Variants in KANK1 observed in about 807,000 individuals in gnomAD.
KANK1 encodes the protein KN motif and ankyrin repeat domain-containing protein 1.
Under a neutral mutation model 106.2 loss-of-function variants are expected in KANK1, and 109 were observed. The ratio of observed to expected loss-of-function variants is 1.03; its 90% CI spans 0.88 to 1.20. The LOEUF is 1.20. Ranked by LOEUF, KANK1 falls within the 50% of genes most tolerant of loss-of-function variation. KANK1 has a pLI of 0.00. For synonymous variants in KANK1, 873 were observed against 652.2 expected (o/e 1.34, Z -5.16); for missense variants, 2,399 against 1,710.7 (o/e 1.40, Z -7.10).
At chr9:683,095 C>T (rs1297784674) in intron 2 of KANK1, among the ~76,000 whole-genome samples, 2 of 152,166 alleles carry the variant, frequency 1.3e-5, no homozygotes, top group Non-Finnish European at 2.9e-5. Context: ...ACACACAGCA[C>T]AGCAGAGGCA....
At chr9:638,326 G>A (rs1445895772) in intron 1 of KANK1, among the ~76,000 whole-genome samples, 1 of 152,202 alleles carries the variant, frequency 6.6e-6, no homozygotes, top group Non-Finnish European at 1.5e-5. Flanking sequence ...AGTAAAGCCT[G>A]CTGAGCTGGA....
At chr9:625,964 T>C (rs1023289439) in intron 1 of KANK1, among the ~76,000 whole-genome samples, 1 of 152,102 alleles carries the variant, frequency 6.6e-6, no homozygotes, top group Admixed American at 6.6e-5. Flanking sequence ...GAAACTCCCC[T>C]GCACTCCATT....
chr9:477,023 T>C (rs1028223969), intron 3 of KANK1, among the ~76,000 whole-genome samples: 9 of 152,190 alleles, frequency 5.9e-5, no homozygotes, highest in African/African-American at 1.4e-4. Flanking sequence ...TACAAGTTTA[T>C]GGTAAAGTTT....
At position 740,752 on chromosome 9, in the gene KANK1, G is replaced by C. The variant is rs774620766; in HGVS notation, c.3554-40G>C. 1.0e-5 allele frequency: 16 copies of C among 1,592,808 alleles called. No individual in the cohort carries two copies. In the African/African-American group the frequency reaches 2.2e-4, roughly 22 times the overall value. On this transcript the variant is annotated intron_variant, in intron 8 of 11. Transcript: ENST00000382297. Reference sequence around the variant, plus strand: ...TTCGTAAGCGGCTGCTATTAGAAGGGGCTGCTTCCTAAGAGACTTTTTTTT... The same window carrying C: ...TTCGTAAGCGGCTGCTATTAGAAGGCGCTGCTTCCTAAGAGACTTTTTTTT...
At chr9:507,466 T>C (rs2058814651) in intron 1 of KANK1, among the ~76,000 whole-genome samples, 1 of 151,910 alleles carries the variant, frequency 6.6e-6, no homozygotes, top group African/African-American at 2.4e-5. Flanking sequence ...ATCAGCTCAC[T>C]GCAACCTCCG....
At chr9:673,757 C>T (rs1459142896) in intron 1 of KANK1, 2 of 152,102 alleles carry the variant, frequency 1.3e-5, no homozygotes, top group Non-Finnish European at 2.9e-5. Context: ...ACTTCATTCA[C>T]CCCTAGCACA....
chr9:505,129 C>A (rs1348757810), intron 1 of KANK1, among the ~76,000 whole-genome samples: 1 of 152,084 alleles, frequency 6.6e-6, no homozygotes, highest in African/African-American at 2.4e-5. Flanking sequence ...CTGGCTACCC[C>A]GGCCCGGCGC....
chr9:540,291 C>T (rs2133816070), intron 1 of KANK1, among the ~76,000 whole-genome samples: 1 of 152,152 alleles, frequency 6.6e-6, no homozygotes, highest in East Asian at 1.9e-4. Flanking sequence ...TGAGATGATC[C>T]CTTGATTTTT....
chr9:741,551 G>C (rs533717218), intron 9 of KANK1, among the ~76,000 whole-genome samples: 1 of 149,204 alleles, frequency 6.7e-6, no homozygotes. Flanking sequence ...GCAGTGGTGC[G>C]ATCTTGGCTC....
intron 11 of KANK1, 152 bp downstream of exon 11, chr9:744,741 C>CAAAAAAAA: frequency 6.6e-7 from 1 of 1,520,620 alleles, no homozygotes; most frequent in Admixed American, 2.1e-5. Flanking sequence ...CTTTCCGCCT[C>CAAAAAAAA]CACCCCGCAA....
chr9:623,241 A>G (rs949673113), intron 1 of KANK1, among the ~76,000 whole-genome samples: 51 of 152,156 alleles, frequency 3.4e-4, no homozygotes, highest in Non-Finnish European at 1.8e-4. Context: ...AGGTGGGGCA[A>G]AGGACCTTAA....
At chr9:593,194 C>G (rs1298159140) in intron 1 of KANK1, among the ~76,000 whole-genome samples, 1 of 151,798 alleles carries the variant, frequency 6.6e-6, no homozygotes, top group Non-Finnish European at 1.5e-5. Flanking sequence ...AATCCTTTGG[C>G]AGACCATGTG....
At chr9:481,560 T>C (rs1290920313) in intron 3 of KANK1, among the ~76,000 whole-genome samples, 13 of 152,154 alleles carry the variant, frequency 8.5e-5, no homozygotes, top group African/African-American at 3.1e-4. Flanking sequence ...TCAAAACTAC[T>C]TTAAAATAAG....
intron 3 of KANK1, among the ~76,000 whole-genome samples, chr9:493,674 T>C (rs1338672560): frequency 1.4e-5 from 2 of 143,986 alleles, no homozygotes; most frequent in African/African-American, 2.6e-5. Context: ...CAGCCTCCCA[T>C]GTAGCTGGGA....
At chr9:528,174 T>A (rs577455799) in intron 1 of KANK1, among the ~76,000 whole-genome samples, 1 of 152,144 alleles carries the variant, frequency 6.6e-6, no homozygotes, top group African/African-American at 2.4e-5. Context: ...GATTTTTCTT[T>A]TTGTCCAAGT....
chr9:668,167 A>G (rs1008200184), intron 1 of KANK1, among the ~76,000 whole-genome samples: 6 of 152,318 alleles, frequency 3.9e-5, no homozygotes, highest in African/African-American at 1.2e-4. Context: ...GGAATGTTCC[A>G]TGTACTGATG....
At chr9:696,279 G>C (rs1172737222) in intron 2 of KANK1, among the ~76,000 whole-genome samples, 1 of 147,654 alleles carries the variant, frequency 6.8e-6, no homozygotes, top group African/African-American at 2.5e-5. Flanking sequence ...GCGAGACTCC[G>C]TCTCAAAAAA....
intron 1 of KANK1, chr9:470,403 T>C (rs1564103742): frequency 6.6e-6 from 1 of 152,574 alleles, no homozygotes; most frequent in Non-Finnish European, 1.5e-5. Flanking sequence ...TCGGGGAGGC[T>C]GAGGGCTTTT....
intron 3 of KANK1, among the ~76,000 whole-genome samples, chr9:729,838 AAAG>A (rs1195848513): frequency 1.3e-5 from 2 of 152,150 alleles, no homozygotes; most frequent in Non-Finnish European, 2.9e-5. Context: ...AAAACAGAGA[AAAG>A]AAGAGGTGCT....
Sources: allele counts gnomAD v4.1 joint callset (sites outside exome capture counted in the v4.1 genomes callset), GRCh38; gene constraint gnomAD v4.1.1; transcripts MANE v1.5; gene names NCBI Gene and HGNC (gene_info 2026-07-23, HGNC 2026-07-21).